The following OXR1 variants were observed in gnomAD, a reference collection of about 807,000 sequenced individuals.
The protein encoded by OXR1 is oxidation resistance protein 1.
A neutral mutation model predicts 104.6 loss-of-function variants in OXR1; 41 were observed. The observed-to-expected ratio is 0.39, with a 90% CI of 0.31 to 0.51. The LOEUF (loss-of-function observed/expected upper bound fraction) is 0.51. Ranked by LOEUF, OXR1 falls within the 20% of genes least tolerant of loss-of-function variation. The pLI is 0.77. For missense variants in OXR1, 955 were observed against 1,031.9 expected, an observed-to-expected ratio of 0.93 and a Z score of 1.02; for synonymous variants, 348 against 348.4, an observed-to-expected ratio of 1.00 and a Z score of 0.01.
intron 2 of OXR1, among the ~76,000 whole-genome samples, chr8:106,463,265 G>A (rs933903834): frequency 1.3e-5 from 2 of 152,092 alleles, no homozygotes; most frequent in African/African-American, 4.8e-5. Flanking sequence ...ATTCTAAGTG[G>A]AGTTAGGAAG....
intron 2 of OXR1, among the ~76,000 whole-genome samples, chr8:106,480,903 T>C (rs1214047198): frequency 1.3e-5 from 2 of 152,042 alleles, no homozygotes; most frequent in East Asian, 3.9e-4. Context: ...GATTGAATAC[T>C]TCTCAAATGA....
chr8:106,285,683 A>T (rs964125488), intron 1 of OXR1, among the ~76,000 whole-genome samples: 1 of 152,076 alleles, frequency 6.6e-6, no homozygotes, highest in South Asian at 2.1e-4. Flanking sequence ...CTGCATCGTG[A>T]TGCACTTTCA....
intron 3 of OXR1, among the ~76,000 whole-genome samples, chr8:106,526,776 T>C (rs190976238): frequency 2.8e-4 from 43 of 152,300 alleles, no homozygotes; most frequent in Admixed American, 5.2e-4. Context: ...ATCTCCTGAC[T>C]TCGTGATGCG....
intron 2 of OXR1, among the ~76,000 whole-genome samples, chr8:106,503,611 A>C (rs892662520): frequency 2.0e-5 from 3 of 152,232 alleles, no homozygotes; most frequent in Admixed American, 6.5e-5. Context: ...ACAATGGCTT[A>C]GACTTTGAGT....
At chr8:106,629,013 A>G (rs1024228739) in intron 3 of OXR1, among the ~76,000 whole-genome samples, 2 of 152,174 alleles carry the variant, frequency 1.3e-5, no homozygotes, top group Admixed American at 1.3e-4. Context: ...ATGAAAGAGC[A>G]AAGACAGACT....
At chr8:106,442,474 A>C (rs1327198255) in intron 2 of OXR1, among the ~76,000 whole-genome samples, 1 of 152,148 alleles carries the variant, frequency 6.6e-6, no homozygotes, top group African/African-American at 2.4e-5. Context: ...TGTTTGGAAT[A>C]GTTTCAGAAG....
intron 11 of OXR1, chr8:106,726,342 TATACTA>T (rs1833344550): frequency 4.6e-6 from 5 of 1,088,376 alleles, no homozygotes; most frequent in Non-Finnish European, 6.5e-6. Context: ...AATTTGTATA[TATACTA>T]GTCTTTTCAT....
intron 1 of OXR1, among the ~76,000 whole-genome samples, chr8:106,300,264 T>C (rs1204237812): frequency 1.3e-5 from 2 of 152,122 alleles, no homozygotes; most frequent in East Asian, 1.9e-4. Flanking sequence ...CCCTTTTCAA[T>C]TGAGCAGTGT....
At chr8:106,472,905 T>C (rs905726227) in intron 2 of OXR1, among the ~76,000 whole-genome samples, 6 of 151,866 alleles carry the variant, frequency 4.0e-5, no homozygotes, top group Non-Finnish European at 8.8e-5. Context: ...GAGTTTTTTG[T>C]TTTGTTGGTT....
chr8:106,371,033 T>C (rs2130375066), intron 2 of OXR1, among the ~76,000 whole-genome samples: 1 of 133,770 alleles, frequency 7.5e-6, no homozygotes, highest in African/African-American at 3.0e-5. Context: ...GTCCTGGGCT[T>C]TTTTTTTTTG....
intron 1 of OXR1, among the ~76,000 whole-genome samples, chr8:106,314,262 C>T (rs985260562): frequency 6.6e-6 from 1 of 152,144 alleles, no homozygotes; most frequent in African/African-American, 2.4e-5. Flanking sequence ...TCACTCATTG[C>T]AAACCGAAGT....
At chr8:106,463,029 T>C (rs980865152) in intron 2 of OXR1, among the ~76,000 whole-genome samples, 5 of 152,138 alleles carry the variant, frequency 3.3e-5, no homozygotes, top group African/African-American at 1.2e-4. Flanking sequence ...GGGTTTAAAA[T>C]GATCTATCAA....
At chr8:106,690,568 A>G (rs1271839967) in intron 6 of OXR1, among the ~76,000 whole-genome samples, 3 of 151,226 alleles carry the variant, frequency 2.0e-5, no homozygotes, top group Non-Finnish European at 4.4e-5. Flanking sequence ...GTAAATTACT[A>G]GATGAGAGTT....
intron 2 of OXR1, among the ~76,000 whole-genome samples, chr8:106,412,472 T>C (rs1033182721): frequency 5.3e-5 from 8 of 152,156 alleles, no homozygotes; most frequent in Non-Finnish European, 1.0e-4. Context: ...TGCCAACTTA[T>C]AGCATTAGAA....
At chr8:106,738,094 G>A (rs779869523) in intron 12 of OXR1, among the ~76,000 whole-genome samples, 21 of 152,052 alleles carry the variant, frequency 1.4e-4, no homozygotes, top group Non-Finnish European at 3.1e-4. Context: ...CATTGGAATA[G>A]TACAGTTTAG....
intron 2 of OXR1, among the ~76,000 whole-genome samples, chr8:106,512,471 A>C (rs1219252873): frequency 6.6e-6 from 1 of 151,814 alleles, no homozygotes; most frequent in East Asian, 1.9e-4. Context: ...TTTTTTTTCC[A>C]GACAACTACA....
At chr8:106,328,714 C>A (rs996674604) in intron 1 of OXR1, among the ~76,000 whole-genome samples, 1 of 152,082 alleles carries the variant, frequency 6.6e-6, no homozygotes, top group African/African-American at 2.4e-5. Context: ...AAAAAGAAAA[C>A]CCTTGAGCAG....
At chr8:106,336,107 T>C (rs1039132850) in intron 1 of OXR1, among the ~76,000 whole-genome samples, 4 of 152,060 alleles carry the variant, frequency 2.6e-5, no homozygotes, top group African/African-American at 9.7e-5. Flanking sequence ...ATAATAATAA[T>C]AATAGAAATA....
intron 2 of OXR1, among the ~76,000 whole-genome samples, chr8:106,480,645 T>C (rs961964499): frequency 1.3e-5 from 2 of 151,946 alleles, no homozygotes; most frequent in South Asian, 4.1e-4. Flanking sequence ...AGTAAACCCT[T>C]ATTTTGTAGC....
Sources: allele counts gnomAD v4.1 joint callset (sites outside exome capture counted in the v4.1 genomes callset), GRCh38; gene constraint gnomAD v4.1.1; transcripts MANE v1.5; gene names NCBI Gene and HGNC (gene_info 2026-07-23, HGNC 2026-07-21).